The following GABRG2 variants were observed in gnomAD, a reference collection of about 807,000 sequenced individuals.
GABRG2 encodes the protein gamma-aminobutyric acid receptor subunit gamma-2.
In GABRG2, 16 loss-of-function variants were observed where a neutral mutation model predicts 56.4. That is an observed-to-expected ratio of 0.28 (90% CI 0.19 to 0.43). GABRG2 has a LOEUF of 0.43. Ranked by LOEUF, GABRG2 falls within the 20% of genes least tolerant of loss-of-function variation. GABRG2 has a pLI of 1.00. For missense variants in GABRG2, 327 were observed against 582.7 expected (o/e 0.56, Z 4.52); for synonymous variants, 208 against 205.5 (o/e 1.01, Z -0.10).
intron 1 of GABRG2, among the ~76,000 whole-genome samples, chr5:162,093,068 G>C (rs927311319): frequency 6.6e-6 from 1 of 152,080 alleles, no homozygotes; most frequent in African/African-American, 2.4e-5. Context: ...TGATAGGTTT[G>C]GGCATAGTGA....
chr5:162,129,730 A>G (rs1185751675), intron 6 of GABRG2, among the ~76,000 whole-genome samples: 1 of 151,964 alleles, frequency 6.6e-6, no homozygotes, highest in Non-Finnish European at 1.5e-5. Context: ...ATTTTTCATC[A>G]AATGTTGTAT....
chr5:162,093,882 A>G lies in GABRG2; in HGVS notation c.162A>G (p.Thr54=), dbSNP rs748255945. 107 of 1,613,288 alleles carry G rather than the reference A, an allele frequency of 6.6e-5. No homozygotes were observed. The highest frequency in any genetic ancestry group is 1.2e-4 in the Admixed American group (7 of 59,918). ...ATGAAGATTATGCTTCTAACAAAACATGGGTCTTGACTCCAAAAGTTCCTG... is the reference window on the plus strand; with the variant it reads ...ATGAAGATTATGCTTCTAACAAAACGTGGGTCTTGACTCCAAAAGTTCCTG... ...DDYEDYASNK[T]WVLTPKVPEG... The change falls in exon 2 of 10, where the codon ACA becomes ACG. Residue 54 remains threonine, a synonymous_variant. Coordinates refer to ENST00000639213, the MANE Select transcript of GABRG2 (RefSeq NM_198904.4).
chr5:162,088,072 A>T (rs1760268452), intron 1 of GABRG2, among the ~76,000 whole-genome samples: 1 of 152,118 alleles, frequency 6.6e-6, no homozygotes, highest in African/African-American at 2.4e-5. Flanking sequence ...CCCTCTGAAC[A>T]GGTTCTGCAT....
intron 1 of GABRG2, among the ~76,000 whole-genome samples, chr5:162,089,375 A>G (rs1486156090): frequency 6.6e-6 from 1 of 152,116 alleles, no homozygotes; most frequent in African/African-American, 2.4e-5. Flanking sequence ...GCATGTGGTA[A>G]AGGAAGGAAT....
rs371258858 is a variant in GABRG2, at chr5:162,136,007, G to C, written c.770-6157G>C. Among the ~76,000 whole-genome samples, 222 of 152,292 alleles carry C rather than the reference G, an allele frequency of 1.5e-3. 3 individuals carry two copies. The highest frequency in any genetic ancestry group is 5.2e-3 in the African/African-American group (217 of 41,568). On this transcript the variant is annotated intron_variant, in intron 6 of 9. Transcript: ENST00000639213. ...GTATTTATATGTATAGGCATGATCA[G>C]AGGGTAGAGAACATTTCAGAAGTTG...
intron 7 of GABRG2, among the ~76,000 whole-genome samples, chr5:162,146,540 T>C (rs1764960934): frequency 6.6e-6 from 1 of 152,110 alleles, no homozygotes; most frequent in African/African-American, 2.4e-5. Context: ...ATTCCTATTC[T>C]CAAACATAGA....
intron 7 of GABRG2, 43 bp from the exon 8 acceptor site, chr5:162,149,065 G>A (rs745747223): frequency 1.3e-6 from 2 of 1,587,036 alleles, no homozygotes; most frequent in Non-Finnish European, 1.7e-6. Flanking sequence ...TACCCAACTT[G>A]CTTATGCAAT....
At chr5:162,142,045 C>A (rs1255713550) in intron 6 of GABRG2, 119 bp from the exon 7 acceptor site, 5 of 1,270,658 alleles carry the variant, frequency 3.9e-6, no homozygotes, top group East Asian at 2.3e-5. Flanking sequence ...TTTCAACATA[C>A]CACTTGTAGA....
intron 6 of GABRG2, among the ~76,000 whole-genome samples, chr5:162,127,935 G>T (rs963082141): frequency 2.6e-5 from 4 of 152,012 alleles, no homozygotes; most frequent in Non-Finnish European, 5.9e-5. Context: ...ACAGAGTGCT[G>T]CTCAGGGTAA....
At chr5:162,086,990 A>C (rs1216365879) in intron 1 of GABRG2, among the ~76,000 whole-genome samples, 2 of 152,096 alleles carry the variant, frequency 1.3e-5, no homozygotes, top group Non-Finnish European at 2.9e-5. Context: ...AGAGTACAGA[A>C]AATGTTCATT....
At chr5:162,142,899 T>TTA (rs562545981) in intron 7 of GABRG2, 1 of 144,932 alleles carries the variant, frequency 6.9e-6, no homozygotes, top group Non-Finnish European at 1.5e-5. Flanking sequence ...TAAAGCATAA[T>TTA]AAAAAAAAAA....
At chr5:162,076,187 A>G (rs1254161801) in intron 1 of GABRG2, among the ~76,000 whole-genome samples, 1 of 152,074 alleles carries the variant, frequency 6.6e-6, no homozygotes, top group Non-Finnish European at 1.5e-5. Context: ...TCTTAAGTTT[A>G]TTTTGAGTAG....
At chr5:162,124,137 A>C (rs1195259496) in intron 6 of GABRG2, among the ~76,000 whole-genome samples, 2 of 151,848 alleles carry the variant, frequency 1.3e-5, no homozygotes, top group African/African-American at 4.8e-5. Context: ...CTAAAGAGAA[A>C]AAAGGGGCAT....
chr5:162,153,487 G>T lies in GABRG2; in HGVS notation c.*119G>T. 8.1e-7 allele frequency: 1 copy of T among 1,232,244 alleles called. No homozygotes were observed. Among genetic ancestry groups the T allele is most frequent in the South Asian group, 1.2e-5 (1 of 82,360 alleles). The allele number at this position is 1,232,244 out of a possible 1,614,324, so 76.3% of individuals were successfully genotyped here. A position where few individuals can be genotyped will look rare whatever the true frequency, so the allele number is the denominator to read the frequency against. On this transcript the variant is annotated 3_prime_UTR_variant, in exon 10 of 10. Coordinates refer to ENST00000639213, the MANE Select transcript of GABRG2 (RefSeq NM_198904.4). ...GATAATGATCTGAATCTGTTTCTAT[G>T]TCCAAACCTGGTAAATTTTATAATG...
At chr5:162,136,673 G>T (rs987968348) in intron 6 of GABRG2, among the ~76,000 whole-genome samples, 6 of 152,082 alleles carry the variant, frequency 3.9e-5, no homozygotes, top group African/African-American at 1.4e-4. Context: ...AAGAGAGAAA[G>T]ACCTAGGTTA....
Position 162,136,234 on chromosome 5 carries a change from A to G in GABRG2, c.770-5930A>G, listed in dbSNP as rs74731440. Among the ~76,000 whole-genome samples, 759 of 152,282 alleles carry G rather than the reference A, an allele frequency of 5.0e-3. 3 individuals carry two copies. The highest frequency in any genetic ancestry group is 0.014 in the South Asian group (68 of 4,824). On this transcript the variant is annotated intron_variant, in intron 6 of 9. Coordinates refer to ENST00000639213, the MANE Select transcript of GABRG2 (RefSeq NM_198904.4). ...TGCTCAAGGGGAATGACCTGAACAA[A>G]TATGTACTCTAGAAAGAAAAGCTTG...
At chr5:162,078,500 AG>A (rs1759377909) in intron 1 of GABRG2, among the ~76,000 whole-genome samples, 1 of 137,762 alleles carries the variant, frequency 7.3e-6, no homozygotes, top group Non-Finnish European at 1.5e-5. Context: ...TGCGCCTCCC[AG>A]GTTCATGCAT....
At position 162,153,579 on chromosome 5, in the gene GABRG2, A is replaced by C. The variant is rs1765525497; in HGVS notation, c.*211A>C. ...TGAACTTCGATGTTTGCTGTGTTTC[A>C]AACCTGCAAGGCAAAGTAAAATTAG... On this transcript the variant is annotated 3_prime_UTR_variant, in exon 10 of 10. Coordinates refer to ENST00000639213, the MANE Select transcript of GABRG2 (RefSeq NM_198904.4). 1 of 628,756 alleles carries C rather than the reference A, an allele frequency of 1.6e-6. No individual in the cohort carries two copies. The highest frequency in any genetic ancestry group is 1.8e-5 in the African/African-American group (1 of 54,536). 38.9% of individuals were successfully genotyped at this position (628,756 alleles called of 1,614,324 possible).
At chr5:162,105,011 G>A (rs1459279495) in intron 6 of GABRG2, among the ~76,000 whole-genome samples, 2 of 152,124 alleles carry the variant, frequency 1.3e-5, no homozygotes, top group Non-Finnish European at 2.9e-5. Flanking sequence ...CAAACATTGT[G>A]TTCTCAGCTT....
Sources: gnomAD v4.1 joint callset for allele counts (sites outside exome capture counted in the v4.1 genomes callset) on GRCh38, gnomAD v4.1.1 for gene constraint, MANE v1.5 for transcripts, NCBI Gene and HGNC (gene_info 2026-07-23, HGNC 2026-07-21) for gene names.